Variants in STXBP4 observed in about 807,000 individuals in gnomAD.
The protein encoded by STXBP4 is syntaxin binding protein 4, also known as syntaxin-binding protein 4.
A neutral mutation model predicts 76.1 loss-of-function variants in STXBP4; 55 were observed. That is an observed-to-expected ratio of 0.72 (90% CI 0.58 to 0.91). The LOEUF (loss-of-function observed/expected upper bound fraction) is 0.91, where lower values mean the gene tolerates loss of function less well. Among genes scored for constraint, STXBP4 ranks in the 40% least tolerant of loss-of-function variants. The probability of loss-of-function intolerance (pLI) is 0.00; values close to 1 mark genes in which losing one functional copy is unlikely to be tolerated. For missense variants in STXBP4, 618 were observed against 636.9 expected, an observed-to-expected ratio of 0.97 and a Z score of 0.32; for synonymous variants, 201 against 220.2, an observed-to-expected ratio of 0.91 and a Z score of 0.77.
chr17:55,031,362 G>A, intron 9 of STXBP4, 98 bp downstream of exon 9: 1 of 995,092 alleles, frequency 1.0e-6, no homozygotes, highest in Non-Finnish European at 1.5e-6. Context: ...TAGAAGGAGA[G>A]AATGAAAAGT....
the STXBP4 span, among the ~76,000 whole-genome samples, chr17:55,196,236 T>C: frequency 1.3e-5 from 2 of 152,138 alleles, no homozygotes; most frequent in Non-Finnish European, 2.9e-5. Context: ...TCCCCTGCAA[T>C]GGCTCTCCAT....
At position 55,008,096 on chromosome 17, in the gene STXBP4, T is replaced by C. The variant is rs1402950150; in HGVS notation, c.666+499T>C. 2.0e-5 allele frequency among the ~76,000 whole-genome samples: 3 copies of C among 152,018 alleles called. No homozygotes were observed. In the East Asian group the frequency reaches 5.8e-4, roughly 29 times the overall value. ...AAGTAGTCCTGGGGAAAGTGGAACA[T>C]TGAGACTCTCATGTAAAAGAAACTT... On this transcript the variant is annotated intron_variant, in intron 8 of 17. Coordinates refer to ENST00000376352, the MANE Select transcript of STXBP4 (RefSeq NM_178509.6).
chr17:55,017,442 T>C (rs1364378207), intron 8 of STXBP4, among the ~76,000 whole-genome samples: 1 of 152,084 alleles, frequency 6.6e-6, no homozygotes, highest in African/African-American at 2.4e-5. Flanking sequence ...CGCAGCAGCG[T>C]AGAGCTTCCT....
intron 11 of STXBP4, chr17:55,043,571 T>C (rs886316744): frequency 5.3e-6 from 8 of 1,508,180 alleles, no homozygotes; most frequent in African/African-American, 1.4e-5. Flanking sequence ...TCATGTCTTC[T>C]GTTGAGGTTT....
intron 16 of STXBP4, among the ~76,000 whole-genome samples, chr17:55,118,062 G>C (rs1430355519): frequency 6.6e-6 from 1 of 151,950 alleles, no homozygotes; most frequent in Non-Finnish European, 1.5e-5. Context: ...GAGGGCCTAT[G>C]ATATGTCACG....
intron 12 of STXBP4, among the ~76,000 whole-genome samples, chr17:55,072,269 G>A (rs1418214802): frequency 6.6e-6 from 1 of 152,092 alleles, no homozygotes; most frequent in African/African-American, 2.4e-5. Flanking sequence ...TCTCAATATT[G>A]TTTTAAAGAT....
At chr17:55,085,993 T>C (rs1323413228) in intron 16 of STXBP4, among the ~76,000 whole-genome samples, 1 of 152,176 alleles carries the variant, frequency 6.6e-6, no homozygotes, top group Non-Finnish European at 1.5e-5. Context: ...CATTTTTATG[T>C]TGGGGTGGCA....
intron 12 of STXBP4, among the ~76,000 whole-genome samples, chr17:55,067,236 T>G (rs1334722110): frequency 6.6e-6 from 1 of 152,172 alleles, no homozygotes; most frequent in African/African-American, 2.4e-5. Flanking sequence ...TAATAAAGCA[T>G]TTTAATGACA....
At chr17:55,135,063 A>C (rs963982217) in intron 16 of STXBP4, among the ~76,000 whole-genome samples, 7 of 152,156 alleles carry the variant, frequency 4.6e-5, no homozygotes, top group African/African-American at 1.7e-4. Flanking sequence ...TGAATTTTGC[A>C]TCTATTGGGA....
At chr17:55,019,755 G>T (rs894055421) in intron 8 of STXBP4, among the ~76,000 whole-genome samples, 1 of 151,670 alleles carries the variant, frequency 6.6e-6, no homozygotes, top group Admixed American at 6.6e-5. Context: ...AAAATATTTT[G>T]CCCTCATTTT....
chr17:55,138,220 T>C (rs1426863385), intron 16 of STXBP4, among the ~76,000 whole-genome samples: 1 of 152,122 alleles, frequency 6.6e-6, no homozygotes, highest in African/African-American at 2.4e-5. Flanking sequence ...AAGGGTCATG[T>C]CTATTTGTTT....
intron 16 of STXBP4, among the ~76,000 whole-genome samples, chr17:55,094,076 C>T (rs57681252): frequency 0.044 from 6,568 of 150,122 alleles, 230 homozygotes; most frequent in East Asian, 0.2. Context: ...ATCCCAGACT[C>T]AGCCAGGAAC....
intron 16 of STXBP4, among the ~76,000 whole-genome samples, chr17:55,092,389 T>C (rs567126729): frequency 6.6e-6 from 1 of 152,334 alleles, no homozygotes; most frequent in South Asian, 2.1e-4. Flanking sequence ...TCCTAATTTC[T>C]CTCAGTAAAG....
At chr17:55,189,265 G>A in the STXBP4 span, among the ~76,000 whole-genome samples, 1 of 152,144 alleles carries the variant, frequency 6.6e-6, no homozygotes, top group African/African-American at 2.4e-5. Flanking sequence ...TTTAGTAATG[G>A]TTATCAAAGA....
intron 12 of STXBP4, among the ~76,000 whole-genome samples, chr17:55,068,781 A>G (rs945363073): frequency 6.6e-6 from 1 of 152,158 alleles, no homozygotes; most frequent in African/African-American, 2.4e-5. Flanking sequence ...AAAATGAGCA[A>G]ACTGAGTCTT....
chr17:55,027,629 A>G (rs2078439163), intron 8 of STXBP4, among the ~76,000 whole-genome samples: 1 of 152,224 alleles, frequency 6.6e-6, no homozygotes. Context: ...GCCTTACTGT[A>G]GAGTGAAAAA....
intron 8 of STXBP4, among the ~76,000 whole-genome samples, chr17:55,020,711 G>A (rs2078295516): frequency 6.6e-6 from 1 of 152,140 alleles, no homozygotes; most frequent in African/African-American, 2.4e-5. Context: ...CCAGCTACTT[G>A]GGAGGCTGAG....
the STXBP4 span, among the ~76,000 whole-genome samples, chr17:55,211,301 G>C: frequency 6.6e-6 from 1 of 151,996 alleles, no homozygotes; most frequent in Non-Finnish European, 1.5e-5. Flanking sequence ...GTGCAGTGGC[G>C]AGATATGGGC....
At chr17:55,012,607 C>A (rs1001072808) in intron 8 of STXBP4, among the ~76,000 whole-genome samples, 13 of 152,116 alleles carry the variant, frequency 8.5e-5, no homozygotes, top group Non-Finnish European at 4.4e-5. Flanking sequence ...GCATGGAGGA[C>A]TAGGTGAGCA....
Sources: allele counts gnomAD v4.1 joint callset (sites outside exome capture counted in the v4.1 genomes callset), GRCh38; gene constraint gnomAD v4.1.1; transcripts MANE v1.5; gene names NCBI Gene and HGNC (gene_info 2026-07-23, HGNC 2026-07-21).